Variants in AFDN observed in about 807,000 individuals in gnomAD.
AFDN encodes the protein afadin, adherens junction formation factor.
AFDN carries 68 observed loss-of-function variants against 216.6 expected under a neutral mutation model. The observed-to-expected ratio is 0.31, with a 90% CI of 0.26 to 0.38. The LOEUF is 0.38. AFDN is among the 10% of genes least tolerant of loss of function. AFDN has a pLI of 1.00. For missense variants in AFDN, 2,136 were observed against 2,342.0 expected (o/e 0.91, Z 1.82); for synonymous variants, 868 against 853.7 (o/e 1.02, Z -0.29).
In AFDN at chr6:167,916,642, T is replaced by C. The variant is rs531080069; in HGVS notation, c.2566-447T>C. Among the ~76,000 whole-genome samples, 3 of 152,244 alleles carry C rather than the reference T, an allele frequency of 2.0e-5. No homozygotes were observed. The Middle Eastern group carries it at 0.01, about 518-fold the overall frequency. On this transcript the variant is annotated intron_variant, in intron 19 of 33. Transcript: ENST00000683244. ...ATGAGTCATCTACAGCTTAAAAACC[T>C]AGGACTTTTTTTTTTAGTATTACGT...
At chr6:167,939,777 G>A (rs561950223) in intron 23 of AFDN, among the ~76,000 whole-genome samples, 74 of 152,134 alleles carry the variant, frequency 4.9e-4, no homozygotes, top group Non-Finnish European at 9.7e-4. Flanking sequence ...AAATAGGGGC[G>A]GTGAGGAGGG....
intron 3 of AFDN, 63 bp downstream of exon 3, chr6:167,870,561 A>G (rs778496074): frequency 3.3e-6 from 3 of 918,716 alleles, no homozygotes; most frequent in Non-Finnish European, 4.9e-6. Context: ...GATAAACAGG[A>G]GACTGATGTT....
At chr6:167,840,610 AGCT>A (rs1240567560) in intron 1 of AFDN, among the ~76,000 whole-genome samples, 1 of 152,330 alleles carries the variant, frequency 6.6e-6, no homozygotes, top group Non-Finnish European at 1.5e-5. Context: ...TGTTGTTGTA[AGCT>A]GCTAAGATCT....
At chr6:167,914,967 A>C (rs1790858593) in intron 18 of AFDN, among the ~76,000 whole-genome samples, 1 of 152,244 alleles carries the variant, frequency 6.6e-6, no homozygotes, top group East Asian at 1.9e-4. Context: ...GGCCAAACTA[A>C]TGATGTTAAG....
In AFDN at chr6:167,844,866, T is replaced by TTTTTTTTTTTG. The variant is rs1399027374; in HGVS notation, c.105+17633_105+17634insTTTTTTGTTTT. Reference sequence around the variant, plus strand: ...TTTCTTTTCTTTTTTTTTTTTTTTTTTTTTGGTTTTTGAGACAGGGTCTCA... The same window carrying TTTTTTTTTTTG: ...TTTCTTTTCTTTTTTTTTTTTTTTTTTTTTTTTTTTGTTTTGGTTTTTGAGACAGGGTCTCA... On this transcript the variant is annotated intron_variant, in intron 1 of 33. Transcript: ENST00000683244. Among the ~76,000 whole-genome samples the TTTTTTTTTTTG allele has an allele frequency of 1.2e-4, 17 of 136,008 alleles. 1 individual carries two copies. The highest frequency in any genetic ancestry group is 1.6e-4 in the Non-Finnish European group (10 of 63,618). 89.2% of individuals were successfully genotyped at this position (136,008 alleles called of 152,430 possible).
intron 1 of AFDN, among the ~76,000 whole-genome samples, chr6:167,847,865 T>C (rs957195779): frequency 6.6e-6 from 1 of 151,900 alleles, no homozygotes; most frequent in Non-Finnish European, 1.5e-5. Context: ...ACTCCCCAAT[T>C]TTTTTTTAAT....
Position 167,969,980 on chromosome 6 carries a change from A to T in AFDN, c.*45A>T. ...TTTGTATTTACCCCAAAATCTTTTCAGTTGTGGGTTTGTAGGTGCGAGTTT... is the reference window on the plus strand; with the variant it reads ...TTTGTATTTACCCCAAAATCTTTTCTGTTGTGGGTTTGTAGGTGCGAGTTT... On this transcript the variant is annotated 3_prime_UTR_variant, in exon 34 of 34. Transcript: ENST00000683244. 1 of 1,537,518 alleles carries T rather than the reference A, an allele frequency of 6.5e-7. No homozygotes were observed. Among genetic ancestry groups the T allele is most frequent in the Non-Finnish European group, 8.8e-7 (1 of 1,142,762 alleles).
At chr6:167,938,718 G>C (rs914620031) in intron 23 of AFDN, among the ~76,000 whole-genome samples, 7 of 152,128 alleles carry the variant, frequency 4.6e-5, no homozygotes, top group African/African-American at 7.2e-5. Context: ...TTGGCTGTCT[G>C]CTTGTATAGG....
At chr6:167,966,370 A>G in intron 32 of AFDN, 3 of 1,111,542 alleles carry the variant, frequency 2.7e-6, no homozygotes, top group Non-Finnish European at 3.5e-6. Flanking sequence ...CATGGCGATC[A>G]TACTTGCCTT....
intron 23 of AFDN, among the ~76,000 whole-genome samples, chr6:167,942,296 A>G (rs188812876): frequency 2.6e-5 from 4 of 152,240 alleles, no homozygotes; most frequent in Admixed American, 1.3e-4. Context: ...TCTGTGCTGT[A>G]TTTTTACTCT....
intron 30 of AFDN, among the ~76,000 whole-genome samples, chr6:167,955,402 A>G (rs970062714): frequency 2.7e-5 from 4 of 146,372 alleles, no homozygotes; most frequent in African/African-American, 7.5e-5. Context: ...TGAGCTTTGC[A>G]TTTTTTTTTT....
intron 22 of AFDN, among the ~76,000 whole-genome samples, chr6:167,924,020 C>A (rs979656480): frequency 1.3e-5 from 2 of 151,996 alleles, no homozygotes; most frequent in Admixed American, 1.3e-4. Context: ...AAAACAAGTA[C>A]CTTCTAGGTA....
chr6:167,925,655 G>T (rs545001337), intron 23 of AFDN, among the ~76,000 whole-genome samples: 1 of 152,296 alleles, frequency 6.6e-6, no homozygotes, highest in East Asian at 1.9e-4. Context: ...CACCCTCCTG[G>T]AATTCTTGGG....
intron 21 of AFDN, among the ~76,000 whole-genome samples, chr6:167,921,637 A>G (rs1362562702): frequency 6.6e-6 from 1 of 152,168 alleles, no homozygotes; most frequent in East Asian, 1.9e-4. Flanking sequence ...TCTATTTGTA[A>G]TATGGTCCAG....
chr6:167,873,457 T>C (rs568610177), intron 4 of AFDN, among the ~76,000 whole-genome samples: 5 of 152,368 alleles, frequency 3.3e-5, no homozygotes, highest in East Asian at 3.9e-4. Flanking sequence ...GGTGTACTTA[T>C]AGATTGTTCA....
chr6:167,966,474 T>C (rs966083435), intron 32 of AFDN, among the ~76,000 whole-genome samples: 1 of 152,200 alleles, frequency 6.6e-6, no homozygotes, highest in South Asian at 2.1e-4. Flanking sequence ...TTGGTAGATA[T>C]CTTAGTACTC....
chr6:167,883,051 A>G (rs1786337981), intron 6 of AFDN, among the ~76,000 whole-genome samples: 1 of 152,128 alleles, frequency 6.6e-6, no homozygotes, highest in Non-Finnish European at 1.5e-5. Context: ...TTTACCTCCC[A>G]TGTGCCCTAT....
intron 12 of AFDN, among the ~76,000 whole-genome samples, chr6:167,904,168 G>A (rs559079819): frequency 6.6e-6 from 1 of 151,546 alleles, no homozygotes; most frequent in African/African-American, 2.4e-5. Context: ...CCACTAATGT[G>A]TACCTTTGGT....
chr6:167,884,633 T>C (rs1312486012), intron 6 of AFDN, among the ~76,000 whole-genome samples: 2 of 152,166 alleles, frequency 1.3e-5, no homozygotes, highest in Non-Finnish European at 2.9e-5. Context: ...GTCCCAACAG[T>C]GGGCTCAAAA....
Sources: gnomAD v4.1 joint callset for allele counts (sites outside exome capture counted in the v4.1 genomes callset) on GRCh38, gnomAD v4.1.1 for gene constraint, MANE v1.5 for transcripts, NCBI Gene and HGNC (gene_info 2026-07-23, HGNC 2026-07-21) for gene names.